UBXN6: variants seen among roughly 807,000 people sequenced by gnomAD.
UBXN6 encodes UBX domain protein 6.
A neutral mutation model predicts 51.4 loss-of-function variants in UBXN6; 44 were observed. The observed-to-expected ratio is 0.86, with a 90% CI of 0.67 to 1.10. The LOEUF is 1.10. Ranked by LOEUF, UBXN6 falls within the 50% of genes least tolerant of loss-of-function variation. UBXN6 has a pLI of 0.00. For synonymous variants in UBXN6, 316 were observed against 263.2 expected (o/e 1.20, Z -1.94); for missense variants, 672 against 596.1 (o/e 1.13, Z -1.32).
rs113422482 is a variant in UBXN6 at position 4,451,919 on chromosome 19, G to C, written c.441+445C>G. ...AATCCTAGCACTTTGGGAGGCTGAG[G>C]CGGGTTGATCACTTGAGGCAAAAGT... On this transcript the variant is annotated intron_variant, in intron 4 of 10. Coordinates refer to ENST00000301281, the MANE Select transcript of UBXN6 (RefSeq NM_025241.3). Among the ~76,000 whole-genome samples, 310 of 152,170 alleles carry C rather than the reference G, an allele frequency of 2.0e-3. 1 individual carries two copies. The highest frequency in any genetic ancestry group is 7.2e-3 in the African/African-American group (297 of 41,534).
At position 4,446,660 on chromosome 19, in the gene UBXN6, C is replaced by G. The variant is rs202169732; in HGVS notation, c.760G>C (p.Glu254Gln). The G allele has an allele frequency of 6.8e-6, 11 of 1,612,298 alleles. No homozygotes were observed. In the African/African-American group the frequency reaches 1.1e-4, roughly 16 times the overall value. The part of the protein sequence containing the change: ...ETTLAQPQSL[E>Q]RHKEQLLAAE... ...GCCAGCAGCTGTTCCTTGTGCCTCT[C>G]CAGGCTCTGGGGCTGGGCCAAGGTG... The change falls in exon 8 of 11, where the codon GAG becomes CAG. Residue 254 changes from glutamate to glutamine, a missense_variant. Transcript: ENST00000301281.
intron 2 of UBXN6, 85 bp downstream of exon 2, chr19:4,453,845 A>G (rs1383285116): frequency 5.8e-6 from 9 of 1,544,862 alleles, no homozygotes; most frequent in Non-Finnish European, 7.8e-6. Context: ...ACGGTTGCTC[A>G]TGTGACTTCT....
In UBXN6 at chr19:4,457,794, T is replaced by A. The variant is rs1384671607; in HGVS notation, c.-97A>T. 9.0e-4 allele frequency: 145 copies of A among 161,476 alleles called. 12 individuals are homozygous for A. Among genetic ancestry groups the A allele is most frequent in the South Asian group, 7.3e-3 (44 of 6,014 alleles). 10.0% of individuals were successfully genotyped at this position (161,476 alleles called of 1,614,324 possible). A position where few individuals can be genotyped will look rare whatever the true frequency, so the allele number is the denominator to read the frequency against. Reference sequence around the variant, plus strand: ...CCGGAGACCAGCCACCGGAAGAAAATTAAAAAAAAAAAAAAAAAAAAAAAA... The same window carrying A: ...CCGGAGACCAGCCACCGGAAGAAAAATAAAAAAAAAAAAAAAAAAAAAAAA... On this transcript the variant is annotated 5_prime_UTR_variant, in exon 1 of 11. Coordinates refer to ENST00000301281, the MANE Select transcript of UBXN6 (RefSeq NM_025241.3).
chr19:4,445,152 C>T lies in UBXN6; in HGVS notation c.*346G>A, dbSNP rs149240636. 9.4e-4 allele frequency: 257 copies of T among 274,352 alleles called. 2 individuals carry two copies. Among genetic ancestry groups the T allele is most frequent in the African/African-American group, 5.3e-3 (238 of 44,858 alleles). The allele number at this position is 274,352 out of a possible 1,614,324, so 17.0% of individuals were successfully genotyped here. On this transcript the variant is annotated 3_prime_UTR_variant, in exon 11 of 11. Coordinates refer to ENST00000301281, the MANE Select transcript of UBXN6 (RefSeq NM_025241.3). ...TGCAGCCACTGCCACCCACGGCACA[C>T]GGGAACAGGACCCATGCTGCAGGCC...
rs755598447 is a variant in UBXN6, at chr19:4,457,641, G to C, written c.57C>G (p.Pro19=). 2 of 1,601,608 alleles carry C rather than the reference G, an allele frequency of 1.2e-6. No homozygotes were observed. Among genetic ancestry groups the C allele is most frequent in the Admixed American group, 3.4e-5 (2 of 59,304 alleles). The change falls in exon 1 of 11, where the codon CCC becomes CCG. Residue 19 remains proline, a synonymous_variant. Transcript: ENST00000301281. ...CCACGGACTCTTTGAGCTTCTGACC[G>C]GGTCCCGCGCTCTTGAACTTGATGT... ...KADIKFKSAG[P]GQKLKESVGE... is the part of the protein sequence containing the mutation.
intron 4 of UBXN6, 140 bp from the exon 5 acceptor site, chr19:4,448,555 G>A: frequency 1.4e-6 from 1 of 704,714 alleles, no homozygotes; most frequent in East Asian, 2.7e-5. Context: ...TCACAGAAAG[G>A]AAAAGAGAGA....
chr19:4,453,790 A>C (rs1599680711), intron 2 of UBXN6, 140 bp downstream of exon 2: 2 of 1,297,264 alleles, frequency 1.5e-6, no homozygotes, highest in Non-Finnish European at 1.1e-6. Flanking sequence ...TTCCCCCAGC[A>C]CCTGCCCTTG....
In UBXN6 at chr19:4,453,993, G is replaced by T; in HGVS notation, c.184C>A (p.Arg62=). 1.2e-6 allele frequency: 2 copies of T among 1,610,120 alleles called. No individual in the cohort carries two copies. The highest frequency in any genetic ancestry group is 1.7e-5 in the Admixed American group (1 of 59,530). The change falls in exon 2 of 11, where the codon CGG becomes AGG. Residue 62 remains arginine, a synonymous_variant. Coordinates refer to ENST00000301281, the MANE Select transcript of UBXN6 (RefSeq NM_025241.3). ...AQMAAAAALA[R]LEQKQSRAWG... ...GCCCGGGACTGCTTCTGCTCCAGCC[G>T]GGCTAGGGCGGCAGCGGCTGCCATC...
intron 4 of UBXN6, chr19:4,449,255 C>T (rs243390): frequency 0.54 from 81,829 of 152,202 alleles, 22,494 homozygotes; most frequent in Admixed American, 0.71. Flanking sequence ...GCTGCCCAGA[C>T]GAGGGCGGGT....
chr19:4,445,921 A>C, intron 10 of UBXN6, 128 bp downstream of exon 10: 19 of 1,437,112 alleles, frequency 1.3e-5, no homozygotes, highest in Non-Finnish European at 1.6e-5. Flanking sequence ...GCAGGATTCA[A>C]ACCCAGGGAC....
In UBXN6 at chr19:4,446,695, A is replaced by G; in HGVS notation, c.725T>C (p.Leu242Pro). The G allele has an allele frequency of 1.2e-6, 2 of 1,610,728 alleles. No homozygotes were observed. Among genetic ancestry groups the G allele is most frequent in the Non-Finnish European group, 1.7e-6 (2 of 1,178,086 alleles). The change falls in exon 8 of 11, where the codon CTG becomes CCG. Residue 242 changes from leucine to proline, a missense_variant. Coordinates refer to ENST00000301281, the MANE Select transcript of UBXN6 (RefSeq NM_025241.3). ...GGGCTGGGCCAAGGTGGTCTCGCTCAGCACGTAGAACTCCTCGGGGTCCTC... is the reference window on the plus strand; with the variant it reads ...GGGCTGGGCCAAGGTGGTCTCGCTCGGCACGTAGAACTCCTCGGGGTCCTC... Reference protein sequence around the residue: ...DQEDPEEFYVLSETTLAQPQS... With the variant: ...DQEDPEEFYVPSETTLAQPQS...
chr19:4,451,490 C>A (rs888143313), intron 4 of UBXN6, among the ~76,000 whole-genome samples: 2 of 152,190 alleles, frequency 1.3e-5, no homozygotes, highest in Non-Finnish European at 1.5e-5. Context: ...GTAGCAGGGA[C>A]TGCAGGTGCA....
At position 4,446,845 on chromosome 19, in the gene UBXN6, G is replaced by A. The variant is rs746389889; in HGVS notation, c.691C>T (p.Gln231Ter). ...IGFQKVLLPA[Q>*]DQEDPEEFYV... is the part of the protein sequence containing the mutation. ...GGCCCTGTCCACTTACCCTGATCCT[G>A]GGCGGGAAGCAACACCTTCTGGAAC... Residue 231 changes from glutamine to a stop codon, truncating the protein, a stop_gained, in exon 7 of 11, where the codon CAG becomes TAG. Coordinates refer to ENST00000301281, the MANE Select transcript of UBXN6 (RefSeq NM_025241.3). LOFTEE classifies it high-confidence loss of function. 1.2e-6 allele frequency: 2 copies of A among 1,614,068 alleles called. No homozygotes were observed. Among genetic ancestry groups the A allele is most frequent in the Admixed American group, 3.3e-5 (2 of 60,026 alleles).
chr19:4,448,608 G>C (rs1050795431), intron 4 of UBXN6, 193 bp from the exon 5 acceptor site: 2 of 600,550 alleles, frequency 3.3e-6, no homozygotes, highest in South Asian at 2.0e-5. Flanking sequence ...GGGCAGAGGC[G>C]ACGCAGCCAA....
rs1050094067 is a variant in UBXN6 at position 4,445,204 on chromosome 19, G to A, written c.*294C>T. 12 of 383,240 alleles carry A rather than the reference G, an allele frequency of 3.1e-5. No homozygotes were observed. The highest frequency in any genetic ancestry group is 5.0e-5 in the South Asian group (2 of 40,110). The allele number at this position is 383,240 out of a possible 1,614,324, so 23.7% of individuals were successfully genotyped here. On this transcript the variant is annotated 3_prime_UTR_variant, in exon 11 of 11. Transcript: ENST00000301281. ...GCTCTCCTGCCCAGGGAGATGCCAC[G>A]TGTGTCTGTCCGGCAGCTTCATGAC... is the stretch of plus-strand genomic sequence containing the variant.
At chr19:4,447,947 G>A (rs1568189951) in intron 5 of UBXN6, 1 of 495,432 alleles carries the variant, frequency 2.0e-6, no homozygotes, top group African/African-American at 1.9e-5. Flanking sequence ...GGGCCGCAGT[G>A]CCAGCAGGGG....
chr19:4,457,748 G>C lies in UBXN6; in HGVS notation c.-51C>G. The C allele has an allele frequency of 8.1e-7, 1 of 1,229,772 alleles. No individual in the cohort carries two copies. Among genetic ancestry groups the C allele is most frequent in the Admixed American group, 2.9e-5 (1 of 34,746 alleles). The allele number at this position is 1,229,772 out of a possible 1,614,324, so 76.2% of individuals were successfully genotyped here. A position where few individuals can be genotyped will look rare whatever the true frequency, so the allele number is the denominator to read the frequency against. On this transcript the variant is annotated 5_prime_UTR_variant, in exon 1 of 11. Coordinates refer to ENST00000301281, the MANE Select transcript of UBXN6 (RefSeq NM_025241.3). ...GGCCGCGGGGGCGGGGGGGCACGGGGCCCAGTCGGGGACGGGGCCGCCGGA... is the reference window on the plus strand; with the variant it reads ...GGCCGCGGGGGCGGGGGGGCACGGGCCCCAGTCGGGGACGGGGCCGCCGGA...
At chr19:4,447,112 C>T in intron 6 of UBXN6, 192 bp from the exon 7 acceptor site, 1 of 612,450 alleles carries the variant, frequency 1.6e-6, no homozygotes, top group Non-Finnish European at 2.9e-6. Context: ...GAGTCTCCAA[C>T]AGCTCTGCAC....
rs552343246 is a variant in UBXN6 at position 4,448,537 on chromosome 19, T to C, written c.442-122A>G. On this transcript the variant is annotated intron_variant, in intron 4 of 10. Transcript: ENST00000301281. ...CAGCGGCTTGGAGCGGCCCCAGCTG[T>C]GCGCTCATCACAGAAAGGAAAAGAG... 3 of 777,318 alleles carry C rather than the reference T, an allele frequency of 3.9e-6. No individual in the cohort carries two copies. In the African/African-American group the frequency reaches 5.2e-5, roughly 13 times the overall value. The allele number at this position is 777,318 out of a possible 1,614,324, so 48.2% of individuals were successfully genotyped here.
Sources: gnomAD v4.1 joint callset for allele counts (sites outside exome capture counted in the v4.1 genomes callset) on GRCh38, gnomAD v4.1.1 for gene constraint, MANE v1.5 for transcripts, NCBI Gene and HGNC (gene_info 2026-07-23, HGNC 2026-07-21) for gene names.